The following ZDHHC21 variants were observed in gnomAD, a reference collection of about 807,000 sequenced individuals.
The protein encoded by ZDHHC21 is zDHHC palmitoyltransferase 21.
In ZDHHC21, 15 loss-of-function variants were observed where a neutral mutation model predicts 34.6. The ratio of observed to expected loss-of-function variants is 0.43; its 90% CI spans 0.29 to 0.67. The LOEUF (loss-of-function observed/expected upper bound fraction) is 0.67. ZDHHC21 is among the 30% of genes least tolerant of loss of function. The probability of loss-of-function intolerance (pLI) is 0.14; values close to 1 mark genes in which losing one functional copy is unlikely to be tolerated. For missense variants in ZDHHC21, 344 were observed against 327.7 expected, an observed-to-expected ratio of 1.05 and a Z score of -0.38; for synonymous variants, 142 against 101.8, an observed-to-expected ratio of 1.40 and a Z score of -2.38.
At chr9:14,692,007 G>A (rs1839228654) in intron 1 of ZDHHC21, among the ~76,000 whole-genome samples, 1 of 152,182 alleles carries the variant, frequency 6.6e-6, no homozygotes, top group Admixed American at 6.5e-5. Flanking sequence ...GCTGGATAGT[G>A]ACAGAAATGG....
chr9:14,637,339 T>A (rs1400386349), intron 8 of ZDHHC21, among the ~76,000 whole-genome samples: 1 of 151,964 alleles, frequency 6.6e-6, no homozygotes, highest in East Asian at 1.9e-4. Flanking sequence ...CTACCACAAC[T>A]GAATTGGGTA....
At chr9:14,636,556 C>A (rs533258022) in intron 8 of ZDHHC21, among the ~76,000 whole-genome samples, 19 of 152,120 alleles carry the variant, frequency 1.2e-4, no homozygotes, top group African/African-American at 4.3e-4. Context: ...ACCAACTGGA[C>A]CTAATAGATA....
At chr9:14,660,146 A>T (rs1810303484) in intron 6 of ZDHHC21, among the ~76,000 whole-genome samples, 1 of 152,058 alleles carries the variant, frequency 6.6e-6, no homozygotes, top group Non-Finnish European at 1.5e-5. Context: ...GGAGCAGATC[A>T]CCTGAGGTTG....
At chr9:14,648,939 A>ATT (rs5896640) in intron 7 of ZDHHC21, among the ~76,000 whole-genome samples, 20 of 150,960 alleles carry the variant, frequency 1.3e-4, no homozygotes, top group Admixed American at 3.3e-4. Flanking sequence ...AAAAGTAAAA[A>ATT]TTTTTTTTTT....
At chr9:14,622,657 GGA>G in intron 8 of ZDHHC21, 1 of 985,158 alleles carries the variant, frequency 1.0e-6, no homozygotes, top group South Asian at 4.7e-5. Flanking sequence ...TTGTCATACA[GGA>G]GAAAGAATGT....
intron 2 of ZDHHC21, among the ~76,000 whole-genome samples, chr9:14,686,951 C>T (rs960256981): frequency 2.8e-5 from 4 of 145,278 alleles, no homozygotes; most frequent in Non-Finnish European, 4.4e-5. Context: ...CCAGCCTGGG[C>T]GACAGGGCGA....
chr9:14,622,901 C>T (rs542760104), intron 8 of ZDHHC21, among the ~76,000 whole-genome samples: 1 of 152,076 alleles, frequency 6.6e-6, no homozygotes, highest in Non-Finnish European at 1.5e-5. Context: ...CTCAATTATC[C>T]CCTGCATTCT....
chr9:14,617,260 C>G lies in ZDHHC21; in HGVS notation c.*1706G>C, dbSNP rs977855546. On this transcript the variant is annotated 3_prime_UTR_variant, in exon 10 of 10. Transcript: ENST00000380916. Reference sequence around the variant, plus strand: ...TTCTTCTATTTAATTTACTACGTCTCTTTTCAGTACCAATAAATATGTTCG... The same window carrying G: ...TTCTTCTATTTAATTTACTACGTCTGTTTTCAGTACCAATAAATATGTTCG... 2.6e-5 allele frequency: 4 copies of G among 151,932 alleles called. No homozygotes were observed. The highest frequency in any genetic ancestry group is 6.6e-5 in the Admixed American group (1 of 15,222). The allele number at this position is 151,932 out of a possible 1,614,324, so 9.4% of individuals were successfully genotyped here.
chr9:14,658,865 C>T lies in ZDHHC21; in HGVS notation c.388G>A (p.Asp130Asn). 6 of 1,612,844 alleles carry T rather than the reference C, an allele frequency of 3.7e-6. No homozygotes were observed. Among genetic ancestry groups the T allele is most frequent in the Non-Finnish European group, 5.1e-6 (6 of 1,179,414 alleles). ...AACTGCAGAAAGAGCCAATGATTAT[C>T]TTCACCAACACAATTGTTAATCCTA... Reference protein sequence around the residue: ...CPWINNCVGEDNHWLFLQLCF... With the variant: ...CPWINNCVGENNHWLFLQLCF... Residue 130 changes from aspartate to asparagine, a missense_variant, in exon 7 of 10, where the codon GAT (aspartate) becomes AAT (asparagine). Transcript: ENST00000380916.
chr9:14,673,866 ATT>A (rs1835891998), intron 4 of ZDHHC21, among the ~76,000 whole-genome samples: 1 of 152,048 alleles, frequency 6.6e-6, no homozygotes, highest in Non-Finnish European at 1.5e-5. Flanking sequence ...AAACATCTAC[ATT>A]TGTAATTAGG....
chr9:14,602,794 G>C, the ZDHHC21 span, among the ~76,000 whole-genome samples: 1 of 152,050 alleles, frequency 6.6e-6, no homozygotes, highest in Non-Finnish European at 1.5e-5. Context: ...ACAGTGAATT[G>C]CACTTATAAT....
At chr9:14,626,995 G>A (rs1334183703) in intron 8 of ZDHHC21, among the ~76,000 whole-genome samples, 1 of 151,784 alleles carries the variant, frequency 6.6e-6, no homozygotes, top group Non-Finnish European at 1.5e-5. Flanking sequence ...TGTGAGCTGG[G>A]GTCAGCATAA....
Position 14,612,931 on chromosome 9 carries a change from TTTTG to T in ZDHHC21, c.*6031_*6034del, listed in dbSNP as rs1389730032. 1 of 151,670 alleles carries T rather than the reference TTTTG, an allele frequency of 6.6e-6. No individual in the cohort carries two copies. The highest frequency in any genetic ancestry group is 1.9e-4 in the East Asian group (1 of 5,182). 9.4% of individuals were successfully genotyped at this position (151,670 alleles called of 1,614,324 possible). ...CGAACCTTAACTCTTCATCTTAGTA[TTTTG>T]TTTCAGTATTCACTAAAGTGCCCAA... On this transcript the variant is annotated 3_prime_UTR_variant, in exon 10 of 10. Coordinates refer to ENST00000380916, the MANE Select transcript of ZDHHC21 (RefSeq NM_178566.6).
At position 14,674,197 on chromosome 9, in the gene ZDHHC21, T is replaced by C. The variant is rs1339204974; in HGVS notation, c.144A>G (p.Ile48Met). Reference sequence around the variant, plus strand: ...GATCAAGAAACTTACTTATTATTAATATGCCTGGAATATGTCCTTCTTCAT... The same window carrying C: ...GATCAAGAAACTTACTTATTATTAACATGCCTGGAATATGTCCTTCTTCAT... ...PHYEEGHIPG[I>M]LIIIFYGISI... The change falls in exon 4 of 10, where the codon ATA (isoleucine) becomes ATG (methionine). Residue 48 changes from isoleucine (I) to methionine (M), a missense_variant. By Grantham distance (10) the Ile-to-Met change is conservative (BLOSUM62 1). Coordinates refer to ENST00000380916, the MANE Select transcript of ZDHHC21 (RefSeq NM_178566.6). 2.0e-6 allele frequency: 3 copies of C among 1,499,144 alleles called. No homozygotes were observed. The highest frequency in any genetic ancestry group is 1.8e-6 in the Non-Finnish European group (2 of 1,130,482). The allele number at this position is 1,499,144 out of a possible 1,614,324, so 92.9% of individuals were successfully genotyped here. A position where few individuals can be genotyped will look rare whatever the true frequency, so the allele number is the denominator to read the frequency against.
At chr9:14,685,742 G>A (rs1838202557) in intron 2 of ZDHHC21, among the ~76,000 whole-genome samples, 1 of 152,202 alleles carries the variant, frequency 6.6e-6, no homozygotes, top group African/African-American at 2.4e-5. Context: ...CTGCTATAAA[G>A]ACACATGCGC....
chr9:14,682,276 G>A (rs1432780752), intron 2 of ZDHHC21, among the ~76,000 whole-genome samples: 1 of 152,144 alleles, frequency 6.6e-6, no homozygotes. Flanking sequence ...ACCCATCAGT[G>A]TGCTGTATTC....
intron 8 of ZDHHC21, among the ~76,000 whole-genome samples, chr9:14,638,445 A>T (rs911988399): frequency 1.3e-5 from 2 of 152,102 alleles, no homozygotes; most frequent in Non-Finnish European, 2.9e-5. Flanking sequence ...AAACTACCAG[A>T]GGAAAACTTA....
At chr9:14,637,730 TC>T (rs1403376074) in intron 8 of ZDHHC21, among the ~76,000 whole-genome samples, 5 of 151,948 alleles carry the variant, frequency 3.3e-5, no homozygotes, top group Admixed American at 6.6e-5. Context: ...CAGTAGCGTT[TC>T]TATACACCAA....
rs150660819 is a variant in ZDHHC21, at chr9:14,688,535, C to A, written c.-176+1802G>T. On this transcript the variant is annotated intron_variant, in intron 2 of 9. Coordinates refer to ENST00000380916, the MANE Select transcript of ZDHHC21 (RefSeq NM_178566.6). ...CTAAGGAGATCCACAGCAGCCTGGG[C>A]AACACAGCCAGACCTAGCCACTAGT... 3.3e-3 allele frequency among the ~76,000 whole-genome samples: 491 copies of A among 150,114 alleles called. 36 individuals carry two copies. Among genetic ancestry groups the A allele is most frequent in the African/African-American group, 0.012 (457 of 39,520 alleles).
Sources: allele counts gnomAD v4.1 joint callset (sites outside exome capture counted in the v4.1 genomes callset), GRCh38; gene constraint gnomAD v4.1.1; transcripts MANE v1.5; gene names NCBI Gene and HGNC (gene_info 2026-07-23, HGNC 2026-07-21).